Variants in NELL2 observed in about 807,000 individuals in gnomAD.
NELL2 encodes protein kinase C-binding protein NELL2.
A neutral mutation model predicts 109.6 loss-of-function variants in NELL2; 41 were observed. The observed-to-expected ratio is 0.37, with a 90% CI of 0.29 to 0.49. NELL2 has a LOEUF of 0.49. NELL2 is among the 20% of genes least tolerant of loss of function. The pLI, the probability that NELL2 is intolerant of heterozygous loss-of-function variation, is 0.98. For synonymous variants in NELL2, 355 were observed against 344.7 expected (o/e 1.03, Z -0.33); for missense variants, 900 against 1,008.3 (o/e 0.89, Z 1.45).
chr12:44,747,618 TCAG>T (rs1403662209), intron 9 of NELL2, among the ~76,000 whole-genome samples: 1 of 152,096 alleles, frequency 6.6e-6, no homozygotes, highest in Non-Finnish European at 1.5e-5. Context: ...TGCACAGGGT[TCAG>T]CATCCCTGAC....
At chr12:44,655,138 G>C (rs1947454818) in intron 13 of NELL2, among the ~76,000 whole-genome samples, 3 of 152,140 alleles carry the variant, frequency 2.0e-5, no homozygotes, top group African/African-American at 7.2e-5. Flanking sequence ...ATCCACCTGG[G>C]ACAAAGGTAA....
At chr12:44,755,448 C>G (rs977529343) in intron 9 of NELL2, among the ~76,000 whole-genome samples, 1 of 151,686 alleles carries the variant, frequency 6.6e-6, no homozygotes, top group East Asian at 2.1e-4. Context: ...CAGTCTCTCT[C>G]TCTGTCACAA....
At chr12:44,779,087 C>A (rs1316206319) in intron 5 of NELL2, among the ~76,000 whole-genome samples, 2 of 152,130 alleles carry the variant, frequency 1.3e-5, no homozygotes, top group Non-Finnish European at 2.9e-5. Context: ...ATTTCTTCAT[C>A]TTTAAAATAT....
At chr12:44,650,453 G>A (rs533823158) in intron 13 of NELL2, among the ~76,000 whole-genome samples, 3 of 151,998 alleles carry the variant, frequency 2.0e-5, no homozygotes, top group African/African-American at 4.8e-5. Context: ...CTGCCACCAC[G>A]CCTGGCTAAT....
chr12:44,766,521 T>A (rs1941341900), intron 9 of NELL2, among the ~76,000 whole-genome samples: 3 of 152,232 alleles, frequency 2.0e-5, no homozygotes, highest in Admixed American at 1.3e-4. Flanking sequence ...TTTTGTATTA[T>A]CTCAATTGAG....
chr12:44,751,550 G>A (rs1016678888), intron 9 of NELL2, among the ~76,000 whole-genome samples: 1 of 152,004 alleles, frequency 6.6e-6, no homozygotes, highest in African/African-American at 2.4e-5. Context: ...ATAAAAGCAA[G>A]AACTGATAAT....
chr12:44,751,807 A>G (rs769943490), intron 9 of NELL2, among the ~76,000 whole-genome samples: 6 of 152,218 alleles, frequency 3.9e-5, no homozygotes, highest in Admixed American at 6.5e-5. Context: ...TAAAATTACA[A>G]AAATAAGCTA....
At chr12:44,676,998 G>T (rs1262106183) in intron 12 of NELL2, among the ~76,000 whole-genome samples, 2 of 152,076 alleles carry the variant, frequency 1.3e-5, no homozygotes, top group Non-Finnish European at 2.9e-5. Context: ...AAATGGAATG[G>T]GAGTTTGAGA....
At chr12:44,684,611 T>C (rs1409195198) in intron 12 of NELL2, among the ~76,000 whole-genome samples, 1 of 152,226 alleles carries the variant, frequency 6.6e-6, no homozygotes, top group Non-Finnish European at 1.5e-5. Flanking sequence ...GATTCTGGTA[T>C]GTTGTGTCTT....
At chr12:44,800,477 G>A (rs761362355) in intron 3 of NELL2, among the ~76,000 whole-genome samples, 5 of 152,064 alleles carry the variant, frequency 3.3e-5, no homozygotes, top group Non-Finnish European at 7.4e-5. Flanking sequence ...GCAATTGCAC[G>A]CTTTCAAAGA....
intron 15 of NELL2, among the ~76,000 whole-genome samples, chr12:44,601,781 T>G (rs1207089108): frequency 6.6e-6 from 1 of 152,160 alleles, no homozygotes; most frequent in Non-Finnish European, 1.5e-5. Flanking sequence ...GAGATAGATA[T>G]TACTATCATC....
intron 13 of NELL2, among the ~76,000 whole-genome samples, chr12:44,619,227 G>C (rs1293720090): frequency 1.3e-5 from 2 of 152,104 alleles, no homozygotes; most frequent in African/African-American, 2.4e-5. Context: ...AAAGCATGGG[G>C]TATAAAAAGG....
At chr12:44,816,806 G>C (rs970386557) in intron 2 of NELL2, among the ~76,000 whole-genome samples, 1 of 152,206 alleles carries the variant, frequency 6.6e-6, no homozygotes, top group Admixed American at 6.5e-5. Context: ...TTACTTAAGA[G>C]AGGCAAACTT....
At chr12:44,808,832 A>G (rs1043733855) in intron 3 of NELL2, among the ~76,000 whole-genome samples, 8 of 151,990 alleles carry the variant, frequency 5.3e-5, no homozygotes, top group African/African-American at 1.9e-4. Context: ...ATACATTTTT[A>G]CTCACCCAGA....
chr12:44,783,041 A>G (rs781498369), intron 3 of NELL2, among the ~76,000 whole-genome samples: 1 of 151,980 alleles, frequency 6.6e-6, no homozygotes, highest in Non-Finnish European at 1.5e-5. Flanking sequence ...TAAATCACTT[A>G]GAGTATGCTT....
chr12:44,791,628 GA>G (rs1348962642), intron 3 of NELL2, among the ~76,000 whole-genome samples: 2 of 139,424 alleles, frequency 1.4e-5, no homozygotes, highest in Non-Finnish European at 3.1e-5. Context: ...ATGGAGTTTT[GA>G]AAAACAAAAC....
At chr12:44,665,663 C>T in intron 12 of NELL2, 54 bp from the exon 13 acceptor site, 2 of 1,504,582 alleles carry the variant, frequency 1.3e-6, no homozygotes, top group South Asian at 1.4e-5. Context: ...TCTGGAGCTC[C>T]TATATAATTT....
intron 16 of NELL2, among the ~76,000 whole-genome samples, chr12:44,529,321 A>G (rs1372834678): frequency 6.6e-6 from 1 of 152,198 alleles, no homozygotes; most frequent in African/African-American, 2.4e-5. Flanking sequence ...TCTAAGATGT[A>G]GTTCTGGGCA....
chr12:44,909,081 GCAAT>G (rs1366564185), intron 1 of NELL2, among the ~76,000 whole-genome samples: 1 of 151,766 alleles, frequency 6.6e-6, no homozygotes, highest in African/African-American at 2.4e-5. Context: ...CCTAGATAGA[GCAAT>G]CAGGCAAGAG....
Sources: allele counts gnomAD v4.1 joint callset (sites outside exome capture counted in the v4.1 genomes callset), GRCh38; gene constraint gnomAD v4.1.1; transcripts MANE v1.5; gene names NCBI Gene and HGNC (gene_info 2026-07-23, HGNC 2026-07-21).